The following THRAP3 variants were observed in gnomAD, a reference collection of about 807,000 sequenced individuals.
The protein encoded by THRAP3 is thyroid hormone receptor associated protein 3, also known as thyroid hormone receptor-associated protein 3.
In THRAP3, 16 loss-of-function variants were observed where a neutral mutation model predicts 101.0. The ratio of observed to expected loss-of-function variants is 0.16; its 90% CI spans 0.11 to 0.24. THRAP3 has a LOEUF of 0.24. Among genes scored for constraint, THRAP3 ranks in the 10% least tolerant of loss-of-function variants. The probability of loss-of-function intolerance (pLI) is 1.00; values close to 1 mark genes in which losing one functional copy is unlikely to be tolerated. For missense variants in THRAP3, 989 were observed against 1,202.7 expected, an observed-to-expected ratio of 0.82 and a Z score of 2.63; for synonymous variants, 407 against 422.6, an observed-to-expected ratio of 0.96 and a Z score of 0.45.
intron 2 of THRAP3, among the ~76,000 whole-genome samples, chr1:36,278,412 C>T (rs1471786070): frequency 2.0e-5 from 3 of 152,004 alleles, no homozygotes; most frequent in African/African-American, 4.8e-5. Context: ...TTTTTAAACA[C>T]AATTGTGTTT....
intron 1 of THRAP3, among the ~76,000 whole-genome samples, chr1:36,241,526 T>G (rs1645161126): frequency 6.6e-6 from 1 of 151,116 alleles, no homozygotes; most frequent in African/African-American, 2.4e-5. Flanking sequence ...TGATATTTAA[T>G]TAAGACATTA....
intron 1 of THRAP3, among the ~76,000 whole-genome samples, chr1:36,231,153 C>G (rs1471547635): frequency 6.6e-6 from 1 of 151,760 alleles, no homozygotes; most frequent in East Asian, 1.9e-4. Flanking sequence ...TATCATTGAC[C>G]TTTTTTTTCT....
intron 1 of THRAP3, among the ~76,000 whole-genome samples, chr1:36,229,876 T>A (rs189667015): frequency 2.6e-5 from 4 of 151,874 alleles, no homozygotes; most frequent in African/African-American, 9.7e-5. Context: ...GGTCTCAAAC[T>A]TCTGACCTCA....
intron 1 of THRAP3, among the ~76,000 whole-genome samples, chr1:36,252,259 G>T (rs897148163): frequency 4.6e-5 from 7 of 152,170 alleles, no homozygotes; most frequent in African/African-American, 1.7e-4. Context: ...CCAAGCAACT[G>T]GAATTATAGG....
intron 1 of THRAP3, among the ~76,000 whole-genome samples, chr1:36,225,677 G>C (rs1020791685): frequency 1.3e-5 from 2 of 152,004 alleles, no homozygotes; most frequent in Non-Finnish European, 2.9e-5. Flanking sequence ...GTTGTAGTCT[G>C]TTCTGTAATT....
the THRAP3 span, among the ~76,000 whole-genome samples, chr1:36,213,388 G>A: frequency 6.6e-6 from 1 of 152,084 alleles, no homozygotes; most frequent in African/African-American, 2.4e-5. Flanking sequence ...GACATGTTCT[G>A]TTCTTTGAGA....
intron 1 of THRAP3, among the ~76,000 whole-genome samples, chr1:36,253,425 A>T (rs759289606): frequency 1.3e-5 from 2 of 152,126 alleles, no homozygotes; most frequent in African/African-American, 4.8e-5. Flanking sequence ...AGCTCAGAAG[A>T]TCTGCTTCAG....
intron 1 of THRAP3, among the ~76,000 whole-genome samples, chr1:36,235,965 C>T (rs368209465): frequency 2.0e-5 from 3 of 151,848 alleles, no homozygotes; most frequent in East Asian, 3.9e-4. Context: ...ACCTTTATGT[C>T]GGACTGGGCG....
At chr1:36,213,943 GAAAGAAAGAAAGAAAGAAGGAAAGA>G in the THRAP3 span, among the ~76,000 whole-genome samples, 6 of 118,702 alleles carry the variant, frequency 5.1e-5, no homozygotes, top group Non-Finnish European at 8.6e-5. Flanking sequence ...AAGAAAGAAA[GAAAGAAAGAAAGAAAGAAGGAAAGA>G]GAAAGAAAGA....
intron 1 of THRAP3, among the ~76,000 whole-genome samples, chr1:36,253,836 C>G (rs1291749636): frequency 7.0e-6 from 1 of 143,512 alleles, no homozygotes; most frequent in Non-Finnish European, 1.5e-5. Context: ...AACTTCTGAC[C>G]TCAAGCTGTC....
intron 4 of THRAP3, chr1:36,288,684 C>T: frequency 2.0e-6 from 2 of 985,430 alleles, no homozygotes; most frequent in Non-Finnish European, 2.4e-6. Context: ...TTGCTGAAAG[C>T]AGATTTTAAG....
chr1:36,249,033 A>G (rs533361144), intron 1 of THRAP3, among the ~76,000 whole-genome samples: 104 of 150,886 alleles, frequency 6.9e-4, no homozygotes, highest in Non-Finnish European at 1.3e-3. Flanking sequence ...GACTGTAGGC[A>G]TGCACCACCA....
chr1:36,289,009 G>A, intron 4 of THRAP3, 51 bp from the exon 5 acceptor site: 3 of 1,493,416 alleles, frequency 2.0e-6, no homozygotes, highest in Non-Finnish European at 2.7e-6. Flanking sequence ...CTATTTTAGA[G>A]CATGCTGTTA....
the THRAP3 span, among the ~76,000 whole-genome samples, chr1:36,214,310 A>G: frequency 6.6e-6 from 1 of 152,248 alleles, no homozygotes; most frequent in Non-Finnish European, 1.5e-5. Flanking sequence ...TGCTCAAGCC[A>G]GAAACCTGGG....
chr1:36,251,219 A>G (rs2062668), intron 1 of THRAP3, among the ~76,000 whole-genome samples: 121,423 of 152,088 alleles, frequency 0.8, 50,053 homozygotes, highest in East Asian at 0.94. Flanking sequence ...GGCTCAAGTG[A>G]TAAGGAAATG....
At chr1:36,244,918 C>G (rs1029824638) in intron 1 of THRAP3, among the ~76,000 whole-genome samples, 1 of 151,972 alleles carries the variant, frequency 6.6e-6, no homozygotes, top group Non-Finnish European at 1.5e-5. Flanking sequence ...GACGGGGTTT[C>G]ATGATGTTGG....
intron 1 of THRAP3, among the ~76,000 whole-genome samples, chr1:36,229,409 T>G (rs1426784920): frequency 1.1e-4 from 2 of 18,720 alleles, no homozygotes; most frequent in Non-Finnish European, 6.8e-4. Context: ...AGTTTTTTTT[T>G]TTGTTTTTTT....
chr1:36,242,091 C>T (rs1425906080), intron 1 of THRAP3: 3 of 181,718 alleles, frequency 1.7e-5, no homozygotes, highest in Admixed American at 5.5e-5. Flanking sequence ...TGTTATAAAC[C>T]TAACTGATGG....
At chr1:36,230,704 T>C (rs1645018846) in intron 1 of THRAP3, among the ~76,000 whole-genome samples, 1 of 152,338 alleles carries the variant, frequency 6.6e-6, no homozygotes, top group South Asian at 2.1e-4. Context: ...AGTTGAGTTA[T>C]ACCACTGAAA....
Sources: gnomAD v4.1 joint callset for allele counts (sites outside exome capture counted in the v4.1 genomes callset) on GRCh38, gnomAD v4.1.1 for gene constraint, MANE v1.5 for transcripts, NCBI Gene and HGNC (gene_info 2026-07-23, HGNC 2026-07-21) for gene names.